GPR89A: variants seen among roughly 807,000 people sequenced by gnomAD.
GPR89A encodes G protein-coupled receptor 89A.
Under a neutral mutation model 52.0 loss-of-function variants are expected in GPR89A, and 16 were observed. The ratio of observed to expected loss-of-function variants is 0.31; its 90% confidence interval spans 0.21 to 0.47. The LOEUF is 0.47. Ranked by LOEUF, GPR89A falls within the 20% of genes least tolerant of loss-of-function variation. The pLI, the probability that GPR89A is intolerant of heterozygous loss-of-function variation, is 1.00. For missense variants in GPR89A, 135 were observed against 449.4 expected, an observed-to-expected ratio of 0.30 and a Z score of 6.33; for synonymous variants, 55 against 150.9, an observed-to-expected ratio of 0.36 and a Z score of 4.66.
chr1:145,637,358 C>CT (rs1336614298), intron 7 of GPR89A, among the ~76,000 whole-genome samples: 1 of 147,800 alleles, frequency 6.8e-6, no homozygotes, highest in African/African-American at 2.5e-5. Context: ...CACTACCCTA[C>CT]ACAAGCTCAA....
At chr1:145,634,242 G>A in intron 7 of GPR89A, among the ~76,000 whole-genome samples, 1 of 151,982 alleles carries the variant, frequency 6.6e-6, no homozygotes, top group Admixed American at 6.5e-5. Context: ...ACCACACCCA[G>A]CTTATTTTTG....
Position 145,634,081 on chromosome 1 carries a change from G to GA in GPR89A, c.617+2337_617+2338insA, listed in dbSNP as rs142006362. 2.7e-3 allele frequency among the ~76,000 whole-genome samples: 398 copies of GA among 146,226 alleles called. 5 individuals are homozygous for GA. Among genetic ancestry groups the GA allele is most frequent in the African/African-American group, 5.7e-3 (229 of 40,118 alleles). On this transcript the variant is annotated intron_variant, in intron 7 of 13. Coordinates refer to ENST00000313835, the MANE Select transcript of GPR89A (RefSeq NM_001097612.2). ...CAAAGAATGGAATATTGTCTATTGT[G>GA]TTTTTTTTTTTTTTTTAAGACGGAG...
At position 145,616,311 on chromosome 1, in the gene GPR89A, T is replaced by C. The variant is rs369609904; in HGVS notation, c.102+18T>C. ...ACTATGAGGTGAGAAGAAATCATTT[T>C]GTCATACTTACACTATATGATTTAG... On this transcript the variant is annotated intron_variant, in intron 2 of 13. Transcript: ENST00000313835. 4.1e-5 allele frequency: 66 copies of C among 1,596,076 alleles called. No homozygotes were observed. Among genetic ancestry groups the C allele is most frequent in the Non-Finnish European group, 5.5e-5 (64 of 1,168,626 alleles).
At chr1:145,617,163 G>T (rs1419462951) in intron 2 of GPR89A, among the ~76,000 whole-genome samples, 1 of 152,036 alleles carries the variant, frequency 6.6e-6, no homozygotes, top group Non-Finnish European at 1.5e-5. Flanking sequence ...CTCCCAGAGC[G>T]GCCATTCATA....
At chr1:145,612,080 T>C (rs1571458478) in intron 1 of GPR89A, 1 of 152,034 alleles carries the variant, frequency 6.6e-6, no homozygotes, top group African/African-American at 2.4e-5. Flanking sequence ...AACCCTCAGC[T>C]CACTGAATTA....
At chr1:145,628,558 C>T (rs1649666049) in intron 5 of GPR89A, among the ~76,000 whole-genome samples, 1 of 151,694 alleles carries the variant, frequency 6.6e-6, no homozygotes, top group African/African-American at 2.4e-5. Flanking sequence ...AACTAAGTTA[C>T]TTAACCTCTC....
intron 1 of GPR89A, among the ~76,000 whole-genome samples, chr1:145,614,197 T>G (rs1212226247): frequency 5.3e-5 from 8 of 152,150 alleles, no homozygotes; most frequent in African/African-American, 1.7e-4. Context: ...CCCCAAAATG[T>G]GCATACAATA....
At chr1:145,654,288 T>C (rs1486436074) in intron 10 of GPR89A, among the ~76,000 whole-genome samples, 2 of 152,134 alleles carry the variant, frequency 1.3e-5, no homozygotes, top group Non-Finnish European at 2.9e-5. Flanking sequence ...GCGTGGTGGC[T>C]CATGCCGGTA....
In GPR89A at chr1:145,657,727, C is replaced by T. The variant is rs1651906248; in HGVS notation, c.910-5602C>T. On this transcript the variant is annotated intron_variant, in intron 10 of 13. Transcript: ENST00000313835. Reference sequence around the variant, plus strand: ...TTGAGTGAGCTCTTGCAATTTGGGTCTCAAGGAATTTGTCTATTTTTATTG... The same window carrying T: ...TTGAGTGAGCTCTTGCAATTTGGGTTTCAAGGAATTTGTCTATTTTTATTG... 2.0e-5 allele frequency among the ~76,000 whole-genome samples: 3 copies of T among 149,082 alleles called. No individual in the cohort carries two copies. In the South Asian group the frequency reaches 6.5e-4, roughly 32 times the overall value.
At chr1:145,613,720 T>C (rs1648463998) in intron 1 of GPR89A, among the ~76,000 whole-genome samples, 1 of 150,998 alleles carries the variant, frequency 6.6e-6, no homozygotes, top group South Asian at 2.1e-4. Flanking sequence ...CTCATGCCCT[T>C]TGCTATCTGG....
At chr1:145,625,224 A>AT (rs1649413306) in intron 5 of GPR89A, among the ~76,000 whole-genome samples, 1 of 151,664 alleles carries the variant, frequency 6.6e-6, no homozygotes, top group South Asian at 2.1e-4. Context: ...AAAACTTAAC[A>AT]TAACACCAGC....
chr1:145,647,741 G>A (rs1360746864), intron 10 of GPR89A, among the ~76,000 whole-genome samples: 10 of 142,908 alleles, frequency 7.0e-5, no homozygotes, highest in African/African-American at 2.1e-4. Context: ...AGAGGCGGAC[G>A]TTGCAGTGAG....
chr1:145,637,892 C>G (rs1174275654), intron 7 of GPR89A, among the ~76,000 whole-genome samples: 1 of 151,320 alleles, frequency 6.6e-6, no homozygotes, highest in Non-Finnish European at 1.5e-5. Flanking sequence ...AAAATTCAGG[C>G]TGGGCATGGT....
intron 1 of GPR89A, among the ~76,000 whole-genome samples, chr1:145,611,796 ACT>A (rs1437079816): frequency 6.6e-6 from 1 of 151,154 alleles, no homozygotes; most frequent in Non-Finnish European, 1.5e-5. Context: ...TGGTCTCTAA[ACT>A]CTGAATTTAC....
chr1:145,641,447 G>T (rs2101797120), intron 7 of GPR89A, among the ~76,000 whole-genome samples: 1 of 151,366 alleles, frequency 6.6e-6, no homozygotes, highest in South Asian at 2.1e-4. Flanking sequence ...CAGTATCCTG[G>T]TTGTACTAGA....
chr1:145,646,086 C>T (rs1253924438), intron 8 of GPR89A, 98 bp from the exon 9 acceptor site: 41 of 1,583,982 alleles, frequency 2.6e-5, no homozygotes, highest in Middle Eastern at 3.3e-4. Flanking sequence ...TAGGCAACTC[C>T]GGGAATCCAC....
intron 7 of GPR89A, among the ~76,000 whole-genome samples, chr1:145,639,053 C>T (rs1356087701): frequency 6.6e-6 from 1 of 150,734 alleles, no homozygotes; most frequent in Non-Finnish European, 1.5e-5. Flanking sequence ...CAATCACTCA[C>T]AAAATGAAAT....
chr1:145,641,898 A>G (rs1650679879), intron 7 of GPR89A, among the ~76,000 whole-genome samples: 1 of 152,130 alleles, frequency 6.6e-6, no homozygotes, highest in South Asian at 2.1e-4. Flanking sequence ...GGAAGGTTTA[A>G]TATTGTTACC....
intron 7 of GPR89A, among the ~76,000 whole-genome samples, chr1:145,636,474 A>T (rs2101784417): frequency 6.6e-6 from 1 of 151,030 alleles, no homozygotes; most frequent in East Asian, 1.9e-4. Context: ...TGTTATGTAC[A>T]AAAAAGTTAA....
Sources: gnomAD v4.1 joint callset for allele counts (sites outside exome capture counted in the v4.1 genomes callset) on GRCh38, gnomAD v4.1.1 for gene constraint, MANE v1.5 for transcripts, NCBI Gene and HGNC (gene_info 2026-07-23, HGNC 2026-07-21) for gene names.